The following NEGR1 variants were observed in gnomAD, a reference collection of about 807,000 sequenced individuals.
NEGR1 encodes the protein neuronal growth regulator 1, also known as IgLON family member 4.
Under a neutral mutation model 40.9 loss-of-function variants are expected in NEGR1, and 10 were observed. That is an observed-to-expected ratio of 0.24 (90% CI 0.15 to 0.42). The LOEUF (loss-of-function observed/expected upper bound fraction) is 0.42, where lower values mean the gene tolerates loss of function less well. Among genes scored for constraint, NEGR1 ranks in the 10% least tolerant of loss-of-function variants. The pLI is 1.00. For missense variants in NEGR1, 352 were observed against 438.9 expected (o/e 0.80, Z 1.77); for synonymous variants, 185 against 166.8 (o/e 1.11, Z -0.84).
chr1:71,505,430 C>T (rs183428312), intron 6 of NEGR1, among the ~76,000 whole-genome samples: 218 of 152,168 alleles, frequency 1.4e-3, no homozygotes, highest in African/African-American at 4.8e-3. Flanking sequence ...TACAGGTGTC[C>T]GCCACTGCGC....
intron 1 of NEGR1, among the ~76,000 whole-genome samples, chr1:72,193,852 C>A (rs1287507726): frequency 6.6e-6 from 1 of 151,524 alleles, no homozygotes; most frequent in Admixed American, 6.6e-5. Flanking sequence ...GCCTCCCATA[C>A]ACCATTTTAA....
intron 1 of NEGR1, among the ~76,000 whole-genome samples, chr1:72,139,510 T>G (rs749171847): frequency 2.6e-5 from 4 of 152,048 alleles, no homozygotes; most frequent in Non-Finnish European, 5.9e-5. Flanking sequence ...TAAGAACAAA[T>G]TTATGCCAAC....
At chr1:71,954,763 C>A (rs1232514895) in intron 1 of NEGR1, among the ~76,000 whole-genome samples, 4 of 151,938 alleles carry the variant, frequency 2.6e-5, no homozygotes, top group Non-Finnish European at 5.9e-5. Context: ...TCCATATAAG[C>A]ACATTGCCAA....
At chr1:71,423,823 AC>A (rs377011784) in intron 6 of NEGR1, among the ~76,000 whole-genome samples, 4 of 130,148 alleles carry the variant, frequency 3.1e-5, no homozygotes, top group African/African-American at 8.8e-5. Context: ...CTCCTCACCC[AC>A]CCCCCCTTTT....
intron 1 of NEGR1, among the ~76,000 whole-genome samples, chr1:72,010,289 C>T (rs986939171): frequency 6.6e-6 from 1 of 151,532 alleles, no homozygotes; most frequent in African/African-American, 2.4e-5. Context: ...AGAGGCAGCT[C>T]GAGACAGCTG....
At chr1:72,165,748 G>C (rs1338686137) in intron 1 of NEGR1, among the ~76,000 whole-genome samples, 1 of 151,950 alleles carries the variant, frequency 6.6e-6, no homozygotes, top group Non-Finnish European at 1.5e-5. Context: ...TATGGTAGTT[G>C]AGTAAAATAT....
intron 4 of NEGR1, among the ~76,000 whole-genome samples, chr1:71,656,379 G>C (rs1160631585): frequency 6.6e-6 from 1 of 152,018 alleles, no homozygotes; most frequent in Non-Finnish European, 1.5e-5. Context: ...CATCTCTTAG[G>C]CTTTTTACAT....
intron 3 of NEGR1, among the ~76,000 whole-genome samples, chr1:71,774,027 T>A (rs1254042333): frequency 6.6e-6 from 1 of 152,198 alleles, no homozygotes; most frequent in Admixed American, 6.5e-5. Context: ...TATTACCATA[T>A]CAGATTTAAA....
intron 4 of NEGR1, among the ~76,000 whole-genome samples, chr1:71,689,631 C>A (rs926519896): frequency 1.3e-5 from 2 of 151,938 alleles, no homozygotes; most frequent in Non-Finnish European, 2.9e-5. Flanking sequence ...ATTTGGCAAT[C>A]CATATATTTA....
chr1:72,249,686 A>G (rs1314448858), intron 1 of NEGR1, among the ~76,000 whole-genome samples: 1 of 152,200 alleles, frequency 6.6e-6, no homozygotes, highest in African/African-American at 2.4e-5. Flanking sequence ...ATATTAAATA[A>G]AACTTGACAT....
At chr1:72,259,252 C>A (rs554590671) in intron 1 of NEGR1, among the ~76,000 whole-genome samples, 2 of 152,146 alleles carry the variant, frequency 1.3e-5, no homozygotes, top group Non-Finnish European at 2.9e-5. Context: ...TCAATTCAGT[C>A]GACATTAATT....
chr1:71,856,386 C>A (rs1250345750), intron 2 of NEGR1, among the ~76,000 whole-genome samples: 1 of 152,008 alleles, frequency 6.6e-6, no homozygotes, highest in Non-Finnish European at 1.5e-5. Context: ...AAGTGTTATA[C>A]CATTCACTTA....
At chr1:71,444,707 AG>A (rs1646569150) in intron 6 of NEGR1, among the ~76,000 whole-genome samples, 1 of 147,396 alleles carries the variant, frequency 6.8e-6, no homozygotes, top group African/African-American at 2.5e-5. Context: ...ATGCTTGCAA[AG>A]CCAAAACTAT....
intron 1 of NEGR1, among the ~76,000 whole-genome samples, chr1:72,244,198 G>T (rs761739442): frequency 6.6e-6 from 1 of 151,720 alleles, no homozygotes; most frequent in Non-Finnish European, 1.5e-5. Flanking sequence ...GATCTAGGCT[G>T]CTATTAATGC....
chr1:71,617,628 G>A (rs1199584540), intron 4 of NEGR1, among the ~76,000 whole-genome samples: 1 of 152,192 alleles, frequency 6.6e-6, no homozygotes, highest in African/African-American at 2.4e-5. Flanking sequence ...ACTTCTGAAT[G>A]TAAGTCTACA....
intron 2 of NEGR1, among the ~76,000 whole-genome samples, chr1:71,928,025 A>AAC (rs1316581088): frequency 3.8e-5 from 3 of 79,138 alleles, no homozygotes; most frequent in Non-Finnish European, 7.2e-5. Context: ...TAAATAAATA[A>AAC]ATACACACAC....
chr1:71,964,715 T>C (rs1646196171), intron 1 of NEGR1, among the ~76,000 whole-genome samples: 1 of 152,170 alleles, frequency 6.6e-6, no homozygotes, highest in Non-Finnish European at 1.5e-5. Flanking sequence ...TGCAGTATTT[T>C]GTTATGCAGT....
intron 6 of NEGR1, among the ~76,000 whole-genome samples, chr1:71,430,385 T>G (rs1244887283): frequency 6.6e-6 from 1 of 152,160 alleles, no homozygotes; most frequent in Non-Finnish European, 1.5e-5. Flanking sequence ...TGCTTGGGGC[T>G]CAACTAGGTG....
chr1:71,934,230 AT>A (rs1352167502), intron 2 of NEGR1, among the ~76,000 whole-genome samples: 59 of 152,294 alleles, frequency 3.9e-4, no homozygotes, highest in African/African-American at 1.1e-3. Context: ...AAGGTAAAAA[AT>A]AAACGTTTTC....
Sources: allele counts gnomAD v4.1 joint callset (sites outside exome capture counted in the v4.1 genomes callset), GRCh38; gene constraint gnomAD v4.1.1; transcripts MANE v1.5; gene names NCBI Gene and HGNC (gene_info 2026-07-23, HGNC 2026-07-21).